Variants in ADAMTS6 observed in about 807,000 individuals in gnomAD.
ADAMTS6 encodes A disintegrin and metalloproteinase with thrombospondin motifs 6.
Under a neutral mutation model 144.3 loss-of-function variants are expected in ADAMTS6, and 23 were observed. The observed-to-expected ratio is 0.16, with a 90% CI of 0.11 to 0.23. The LOEUF is 0.23. ADAMTS6 is among the 10% of genes least tolerant of loss of function. ADAMTS6 has a pLI of 1.00. For missense variants in ADAMTS6, 999 were observed against 1,379.6 expected (o/e 0.72, Z 4.37); for synonymous variants, 444 against 457.5 (o/e 0.97, Z 0.38).
At chr5:65,202,357 A>C (rs1005143147) in intron 20 of ADAMTS6, among the ~76,000 whole-genome samples, 2 of 152,214 alleles carry the variant, frequency 1.3e-5, no homozygotes, top group African/African-American at 2.4e-5. Context: ...ACGTATACTG[A>C]GCTTATCCCT....
chr5:65,391,419 TACACA>T (rs1429703531), intron 7 of ADAMTS6, among the ~76,000 whole-genome samples: 2 of 148,602 alleles, frequency 1.3e-5, no homozygotes, highest in African/African-American at 4.9e-5. Context: ...TGTGTCTCTC[TACACA>T]CACACACACA....
chr5:65,404,793 C>A (rs1330290749), intron 7 of ADAMTS6, among the ~76,000 whole-genome samples: 1 of 152,188 alleles, frequency 6.6e-6, no homozygotes, highest in African/African-American at 2.4e-5. Flanking sequence ...TCTCCACATC[C>A]TCTCCAGCAC....
chr5:65,414,565 CT>C (rs1290723659), intron 7 of ADAMTS6, among the ~76,000 whole-genome samples: 4 of 151,980 alleles, frequency 2.6e-5, no homozygotes, highest in African/African-American at 9.7e-5. Flanking sequence ...GACAAAAGTG[CT>C]GTAAGAAGGA....
chr5:65,418,807 T>A (rs1755770583), intron 7 of ADAMTS6, among the ~76,000 whole-genome samples: 1 of 152,038 alleles, frequency 6.6e-6, no homozygotes, highest in African/African-American at 2.4e-5. Context: ...ATGCTAAACA[T>A]CACTAATCAT....
At chr5:65,263,877 T>C (rs1761409638) in intron 12 of ADAMTS6, among the ~76,000 whole-genome samples, 1 of 152,218 alleles carries the variant, frequency 6.6e-6, no homozygotes, top group African/African-American at 2.4e-5. Flanking sequence ...AACATGGTTA[T>C]CAGCAAAGTT....
intron 18 of ADAMTS6, among the ~76,000 whole-genome samples, chr5:65,217,215 A>T (rs1472342532): frequency 6.6e-6 from 1 of 152,176 alleles, no homozygotes; most frequent in African/African-American, 2.4e-5. Context: ...TGTACTTAAA[A>T]TTTTTTATTT....
intron 1 of ADAMTS6, among the ~76,000 whole-genome samples, chr5:65,474,642 G>A (rs1278913944): frequency 6.6e-6 from 1 of 151,924 alleles, no homozygotes; most frequent in Non-Finnish European, 1.5e-5. Context: ...CCTAGCTCAT[G>A]TACTTTACAT....
chr5:65,410,753 A>T (rs192159236), intron 7 of ADAMTS6, among the ~76,000 whole-genome samples: 16 of 152,214 alleles, frequency 1.1e-4, no homozygotes, highest in Non-Finnish European at 1.5e-5. Context: ...TATACTCTAC[A>T]TATAAGTGAG....
At chr5:65,398,504 C>G (rs1364585906) in intron 7 of ADAMTS6, among the ~76,000 whole-genome samples, 10 of 152,032 alleles carry the variant, frequency 6.6e-5, no homozygotes, top group Admixed American at 5.2e-4. Context: ...GCAGGCAGAT[C>G]ACTTGAGGTC....
chr5:65,480,649 C>G (rs1761137596), intron 1 of ADAMTS6, among the ~76,000 whole-genome samples: 1 of 152,316 alleles, frequency 6.6e-6, no homozygotes, highest in Admixed American at 6.5e-5. Context: ...CCCAATACCC[C>G]ATTCCTGCAC....
intron 7 of ADAMTS6, among the ~76,000 whole-genome samples, chr5:65,338,204 A>G (rs1747486701): frequency 6.6e-6 from 1 of 152,256 alleles, no homozygotes; most frequent in African/African-American, 2.4e-5. Flanking sequence ...TGAAAGTGTA[A>G]TAACGGCTTC....
At chr5:65,323,553 T>C (rs935502865) in intron 9 of ADAMTS6, among the ~76,000 whole-genome samples, 3 of 152,196 alleles carry the variant, frequency 2.0e-5, no homozygotes, top group African/African-American at 7.2e-5. Flanking sequence ...GTCTTTGCTA[T>C]TGTGAATAAT....
intron 21 of ADAMTS6, among the ~76,000 whole-genome samples, chr5:65,193,569 AAAT>A (rs1164435320): frequency 6.6e-6 from 1 of 152,096 alleles, no homozygotes; most frequent in Non-Finnish European, 1.5e-5. Context: ...ATTATTTTTA[AAAT>A]AATAATAACG....
chr5:65,414,581 T>C (rs1755342575), intron 7 of ADAMTS6, among the ~76,000 whole-genome samples: 1 of 152,182 alleles, frequency 6.6e-6, no homozygotes, highest in African/African-American at 2.4e-5. Context: ...GAAGGATATA[T>C]ATAAAGCCAT....
At chr5:65,371,128 A>G (rs1467707106) in intron 7 of ADAMTS6, among the ~76,000 whole-genome samples, 1 of 152,220 alleles carries the variant, frequency 6.6e-6, no homozygotes, top group Non-Finnish European at 1.5e-5. Context: ...GTACAACACC[A>G]TCATCAAAGA....
intron 7 of ADAMTS6, among the ~76,000 whole-genome samples, chr5:65,425,361 C>T (rs73111166): frequency 0.011 from 1,656 of 152,190 alleles, 23 homozygotes; most frequent in African/African-American, 0.038. Context: ...AATGACAGAC[C>T]TGCATTTTTT....
rs370723451 is a variant in ADAMTS6, at chr5:65,451,627, T to C, written c.928-7A>G. 11 of 1,612,468 alleles carry C rather than the reference T, an allele frequency of 6.8e-6. No individual in the cohort carries two copies. The African/African-American group carries it at 1.2e-4, about 18-fold the overall frequency. On this transcript the variant is annotated splice_region_variant and splice_polypyrimidine_tract_variant and intron_variant, in intron 6 of 24. Transcript: ENST00000381055. Reference sequence around the variant, plus strand: ...GGTTTATCTCCAAGTTTGGCTGCAATACAACATGCATACCAGAAATGTTCC... The same window carrying C: ...GGTTTATCTCCAAGTTTGGCTGCAACACAACATGCATACCAGAAATGTTCC...
At position 65,420,472 on chromosome 5, in the gene ADAMTS6, C is replaced by G. The variant is rs144471545; in HGVS notation, c.1073+31003G>C. ...TCTCAGCTCACCGCAACCTCCGCCCCCTGGGTTCAAGTGATTCTCCTGCCT... is the reference window on the plus strand; with the variant it reads ...TCTCAGCTCACCGCAACCTCCGCCCGCTGGGTTCAAGTGATTCTCCTGCCT... On this transcript the variant is annotated intron_variant, in intron 7 of 24. Transcript: ENST00000381055. Among the ~76,000 whole-genome samples the G allele has an allele frequency of 6.4e-3, 978 of 152,240 alleles. 6 individuals are homozygous for G. The highest frequency in any genetic ancestry group is 0.021 in the African/African-American group (862 of 41,512).
chr5:65,435,535 A>G (rs1241760380), intron 7 of ADAMTS6, among the ~76,000 whole-genome samples: 2 of 152,156 alleles, frequency 1.3e-5, no homozygotes, highest in African/African-American at 4.8e-5. Flanking sequence ...TTATTGTTAC[A>G]TAAGATGTTA....
Sources: gnomAD v4.1 joint callset for allele counts (sites outside exome capture counted in the v4.1 genomes callset) on GRCh38, gnomAD v4.1.1 for gene constraint, MANE v1.5 for transcripts, NCBI Gene and HGNC (gene_info 2026-07-23, HGNC 2026-07-21) for gene names.